CR1: variants seen among roughly 807,000 people sequenced by gnomAD.
The protein encoded by CR1 is complement C3b/C4b receptor 1 (Knops blood group).
CR1 carries 116 observed loss-of-function variants against 187.3 expected under a neutral mutation model. The observed-to-expected ratio is 0.62, with a 90% CI of 0.53 to 0.72. CR1 has a LOEUF of 0.72. Ranked by LOEUF, CR1 falls within the 30% of genes least tolerant of loss-of-function variation. The probability of loss-of-function intolerance (pLI) is 0.00; values close to 1 mark genes in which losing one functional copy is unlikely to be tolerated. For synonymous variants in CR1, 576 were observed against 747.1 expected, an observed-to-expected ratio of 0.77 and a Z score of 3.73; for missense variants, 1,731 against 2,110.7, an observed-to-expected ratio of 0.82 and a Z score of 3.52.
intron 3 of CR1, among the ~76,000 whole-genome samples, chr1:207,509,639 A>G (rs1659555080): frequency 6.6e-6 from 1 of 152,222 alleles, no homozygotes; most frequent in South Asian, 2.1e-4. Flanking sequence ...TGGAGGAAAA[A>G]AAATGCCAAC....
intron 3 of CR1, chr1:207,507,435 C>T (rs1659475367): frequency 6.6e-6 from 1 of 152,358 alleles, no homozygotes; most frequent in Non-Finnish European, 1.5e-5. Context: ...GCCGTCTTCC[C>T]TCTGGGTCTG....
rs548376468 is a variant in CR1, at chr1:207,517,145, A to G, written c.487+5491A>G. Among the ~76,000 whole-genome samples the G allele has an allele frequency of 2.6e-5, 4 of 152,266 alleles. No individual in the cohort carries two copies. In the East Asian group the frequency reaches 5.8e-4, roughly 22 times the overall value. On this transcript the variant is annotated intron_variant, in intron 4 of 46. Transcript: ENST00000367049. ...ATTGATCACTGCATGTATTGAGATT[A>G]TCATGTTTCTTTTTCACTCTGTTAA...
At chr1:207,581,622 T>C (rs1660959716) in intron 31 of CR1, among the ~76,000 whole-genome samples, 1 of 152,152 alleles carries the variant, frequency 6.6e-6, no homozygotes, top group African/African-American at 2.4e-5. Flanking sequence ...AATAGTGGAA[T>C]TTGGAATAGG....
At chr1:207,572,815 G>A (rs1409489001) in intron 27 of CR1, among the ~76,000 whole-genome samples, 3 of 148,736 alleles carry the variant, frequency 2.0e-5, no homozygotes, top group Non-Finnish European at 3.0e-5. Flanking sequence ...AGCTTCTGGA[G>A]CCACAGGCCT....
At chr1:207,513,368 T>C (rs1339562365) in intron 4 of CR1, among the ~76,000 whole-genome samples, 2 of 152,204 alleles carry the variant, frequency 1.3e-5, no homozygotes, top group Non-Finnish European at 2.9e-5. Flanking sequence ...ACAGTTCCCA[T>C]TGTCATTCCT....
At chr1:207,626,097 G>T (rs1002163850) in intron 45 of CR1, among the ~76,000 whole-genome samples, 4 of 152,132 alleles carry the variant, frequency 2.6e-5, no homozygotes, top group African/African-American at 9.7e-5. Context: ...TTCCTTTCAT[G>T]GTTAGCTTGG....
intron 37 of CR1, among the ~76,000 whole-genome samples, chr1:207,610,853 G>A (rs1362218616): frequency 6.6e-6 from 1 of 152,004 alleles, no homozygotes; most frequent in East Asian, 1.9e-4. Flanking sequence ...TATATGAAAT[G>A]TTTTGATACA....
At chr1:207,597,622 A>G (rs1421213868) in intron 35 of CR1, among the ~76,000 whole-genome samples, 1 of 152,238 alleles carries the variant, frequency 6.6e-6, no homozygotes, top group Non-Finnish European at 1.5e-5. Flanking sequence ...GATGTGGAGA[A>G]ATTAGAACGC....
chr1:207,575,482 C>A, intron 27 of CR1, 113 bp from the exon 28 acceptor site: 2 of 1,324,576 alleles, frequency 1.5e-6, no homozygotes, highest in South Asian at 1.2e-5. Flanking sequence ...AAAGTTTAGG[C>A]TAGGCCTTAG....
At chr1:207,596,618 AAATAAT>A (rs1047357241) in intron 35 of CR1, among the ~76,000 whole-genome samples, 1 of 150,708 alleles carries the variant, frequency 6.6e-6, no homozygotes, top group Non-Finnish European at 1.5e-5. Flanking sequence ...CTGTCTCAAA[AAATAAT>A]AATAATAATA....
rs768582642 is a variant in CR1, at chr1:207,609,607, G to C, written c.6214G>C (p.Gly2072Arg). 6.2e-7 allele frequency: 1 copy of C among 1,612,570 alleles called. No homozygotes were observed. The highest frequency in any genetic ancestry group is 1.7e-5 in the Admixed American group (1 of 59,814). The change falls in exon 37 of 47, where the codon GGG becomes CGG. Residue 2072 changes from glycine (G) to arginine (R), a missense_variant. Gly to Arg is a moderately radical substitution (Grantham distance 125). Coordinates refer to ENST00000367049, the MANE Select transcript of CR1 (RefSeq NM_000651.6). Reference sequence around the variant, plus strand: ...GATCATCAGATTTAGATGTCAGCCCGGGTTTGTCATGGTAGGGTCCCACAC... The same window carrying C: ...GATCATCAGATTTAGATGTCAGCCCCGGTTTGTCATGGTAGGGTCCCACAC... ...TEIIRFRCQPGFVMVGSHTVQ... is the reference protein window; with the variant it reads ...TEIIRFRCQPRFVMVGSHTVQ...
chr1:207,609,518 C>A lies in CR1; in HGVS notation c.6125C>A (p.Thr2042Lys). Residue 2042 changes from threonine (T) to lysine (K), a missense_variant, in exon 37 of 47, where the codon ACA becomes AAA. This residue lies in a region of CR1 where 1,312 missense variants were observed against 1,379.6 expected (regional missense o/e 0.95). Coordinates refer to ENST00000367049, the MANE Select transcript of CR1 (RefSeq NM_000651.6). ...PPRCISTNKC[T>K]APEVENAIRV... Reference sequence around the variant, plus strand: ...CGGTGTATTTCTACTAATAAATGCACAGCTCCAGAAGTTGAAAATGCAATT... The same window carrying A: ...CGGTGTATTTCTACTAATAAATGCAAAGCTCCAGAAGTTGAAAATGCAATT... 6.2e-7 allele frequency: 1 copy of A among 1,613,946 alleles called. No homozygotes were observed. Among genetic ancestry groups the A allele is most frequent in the Non-Finnish European group, 8.5e-7 (1 of 1,179,862 alleles).
At position 207,552,643 on chromosome 1, in the gene CR1, C is replaced by T. The variant is rs558476964; in HGVS notation, c.3002-109C>T. 3 of 1,430,864 alleles carry T rather than the reference C, an allele frequency of 2.1e-6. No homozygotes were observed. The African/African-American group carries it at 4.2e-5, about 20-fold the overall frequency. The allele number at this position is 1,430,864 out of a possible 1,614,324, so 88.6% of individuals were successfully genotyped here. The stretch of plus-strand genomic sequence containing the variant: ...CTCAAGGTGCCAAAATCTGTGGAAC[C>T]ATCAGAACCGCGTGTTTTCTTCAGG... On this transcript the variant is annotated intron_variant, in intron 18 of 46. Coordinates refer to ENST00000367049, the MANE Select transcript of CR1 (RefSeq NM_000651.6).
Position 207,591,769 on chromosome 1 carries a change from A to G in CR1, c.5810+2995A>G, listed in dbSNP as rs1661280630. Among the ~76,000 whole-genome samples the G allele has an allele frequency of 2.0e-5, 3 of 152,220 alleles. No homozygotes were observed. In the South Asian group the frequency reaches 6.2e-4, roughly 31 times the overall value. ...AAAAAATGATAAAGGGGATATCACC[A>G]CTGATCCCACAGAAATACAAACTAC... On this transcript the variant is annotated intron_variant, in intron 35 of 46. Coordinates refer to ENST00000367049, the MANE Select transcript of CR1 (RefSeq NM_000651.6).
chr1:207,574,008 C>G (rs1660658153), intron 27 of CR1, among the ~76,000 whole-genome samples: 1 of 152,146 alleles, frequency 6.6e-6, no homozygotes, highest in South Asian at 2.1e-4. Flanking sequence ...CAGCATATGC[C>G]TGTAGTCACA....
At chr1:207,591,187 G>A (rs1571568356) in intron 35 of CR1, among the ~76,000 whole-genome samples, 1 of 152,098 alleles carries the variant, frequency 6.6e-6, no homozygotes, top group Non-Finnish European at 1.5e-5. Context: ...TTCTAAAATT[G>A]ACCACATAAT....
intron 45 of CR1, among the ~76,000 whole-genome samples, chr1:207,627,924 C>T (rs541284913): frequency 2.0e-5 from 3 of 152,266 alleles, no homozygotes; most frequent in South Asian, 4.1e-4. Context: ...AGGAGCTCTC[C>T]TGGTCTCTTT....
At chr1:207,574,311 C>T (rs979846412) in intron 27 of CR1, among the ~76,000 whole-genome samples, 4 of 152,006 alleles carry the variant, frequency 2.6e-5, no homozygotes, top group Admixed American at 6.5e-5. Context: ...ATATAATACC[C>T]GCAAAAGAAA....
At chr1:207,620,185 C>A in intron 43 of CR1, 120 bp downstream of exon 43, 1 of 974,756 alleles carries the variant, frequency 1.0e-6, no homozygotes, top group Non-Finnish European at 1.5e-6. Flanking sequence ...CTATAGAGTA[C>A]AATATGAGCA....
Sources: allele counts gnomAD v4.1 joint callset (sites outside exome capture counted in the v4.1 genomes callset), GRCh38; gene constraint gnomAD v4.1.1; regional missense constraint gnomAD v4.1.1; transcripts MANE v1.5; gene names NCBI Gene and HGNC (gene_info 2026-07-23, HGNC 2026-07-21).